The following BACH2 variants were observed in gnomAD, a reference collection of about 807,000 sequenced individuals.
BACH2 encodes the protein BACH transcriptional regulator 2, also known as transcription regulator protein BACH2.
Under a neutral mutation model 61.8 loss-of-function variants are expected in BACH2, and 5 were observed. The observed-to-expected ratio is 0.08, with a 90% CI of 0.04 to 0.17. The LOEUF is 0.17. Ranked by LOEUF, BACH2 falls within the 10% of genes least tolerant of loss-of-function variation. BACH2 has a pLI of 1.00. For synonymous variants in BACH2, 446 were observed against 440.1 expected (o/e 1.01, Z -0.17); for missense variants, 824 against 1,091.1 (o/e 0.76, Z 3.45).
intron 4 of BACH2, among the ~76,000 whole-genome samples, chr6:90,127,523 T>C (rs889526560): frequency 6.6e-6 from 1 of 152,202 alleles, no homozygotes; most frequent in Non-Finnish European, 1.5e-5. Context: ...AAATAATTCA[T>C]CTTCCTCTTC....
chr6:90,258,373 A>G (rs1273319063), intron 2 of BACH2, among the ~76,000 whole-genome samples: 1 of 152,102 alleles, frequency 6.6e-6, no homozygotes, highest in Non-Finnish European at 1.5e-5. Flanking sequence ...AGTTGACTAT[A>G]TATACGTGGA....
intron 2 of BACH2, among the ~76,000 whole-genome samples, chr6:90,257,065 T>C (rs1473011108): frequency 6.6e-6 from 1 of 152,252 alleles, no homozygotes; most frequent in African/African-American, 2.4e-5. Context: ...GGCTGAATAA[T>C]ATTCATTTTG....
chr6:89,964,990 T>G (rs1427755889), intron 6 of BACH2, among the ~76,000 whole-genome samples: 1 of 152,174 alleles, frequency 6.6e-6, no homozygotes. Flanking sequence ...GTTCAAGCGA[T>G]TCTCGTGCCT....
At chr6:90,217,332 G>A (rs755794240) in intron 3 of BACH2, among the ~76,000 whole-genome samples, 86 of 152,104 alleles carry the variant, frequency 5.7e-4, no homozygotes, top group Non-Finnish European at 1.1e-3. Context: ...AGAATATCTA[G>A]CTCTGGAAAA....
At chr6:89,986,105 C>T (rs1199268683) in intron 6 of BACH2, among the ~76,000 whole-genome samples, 3 of 152,202 alleles carry the variant, frequency 2.0e-5, no homozygotes, top group East Asian at 3.9e-4. Context: ...ATAGTGGCGG[C>T]GGCGAACTGA....
rs147145077 is a variant in BACH2, at chr6:90,293,196, C to A, written c.-446+3284G>T. ...CCCATGAAGCTAGTACTGGCTCTCA[C>A]CCCCTGGACACACAGGAAGATATTT... On this transcript the variant is annotated intron_variant, in intron 1 of 8. Transcript: ENST00000257749. 1.6e-4 allele frequency among the ~76,000 whole-genome samples: 25 copies of A among 152,298 alleles called. No individual in the cohort carries two copies. The East Asian group carries it at 4.8e-3, about 29-fold the overall frequency.
chr6:90,126,490 G>A (rs1322660356), intron 4 of BACH2, among the ~76,000 whole-genome samples: 1 of 151,804 alleles, frequency 6.6e-6, no homozygotes, highest in Non-Finnish European at 1.5e-5. Context: ...GAGGGGAGAA[G>A]GAACAAAGAC....
intron 2 of BACH2, among the ~76,000 whole-genome samples, chr6:90,263,152 CT>C (rs1235460637): frequency 1.3e-5 from 2 of 152,160 alleles, no homozygotes; most frequent in African/African-American, 4.8e-5. Context: ...CATCTCACCC[CT>C]GATCAGTGGG....
In BACH2 at chr6:90,271,944, G is replaced by C. The variant is rs978755906; in HGVS notation, c.-445-3C>G. ...TGGGAGCTATGTGAACGAACGCGCTGAAAGACAAAACACGTTAGATCAGTT... is the reference window on the plus strand; with the variant it reads ...TGGGAGCTATGTGAACGAACGCGCTCAAAGACAAAACACGTTAGATCAGTT... On this transcript the variant is annotated splice_region_variant and splice_polypyrimidine_tract_variant and intron_variant, in intron 1 of 8. Coordinates refer to ENST00000257749, the MANE Select transcript of BACH2 (RefSeq NM_021813.4). 3 of 152,318 alleles carry C rather than the reference G, an allele frequency of 2.0e-5. No individual in the cohort carries two copies. The highest frequency in any genetic ancestry group is 7.2e-5 in the African/African-American group (3 of 41,432). The allele number at this position is 152,318 out of a possible 1,614,324, so 9.4% of individuals were successfully genotyped here.
chr6:90,136,980 G>A (rs746728683), intron 4 of BACH2, among the ~76,000 whole-genome samples: 2 of 151,986 alleles, frequency 1.3e-5, no homozygotes, highest in African/African-American at 2.4e-5. Context: ...AACTTGTAGA[G>A]TCACTGGACC....
At chr6:90,046,760 C>T (rs1340275520) in intron 5 of BACH2, among the ~76,000 whole-genome samples, 1 of 151,166 alleles carries the variant, frequency 6.6e-6, no homozygotes, top group African/African-American at 2.4e-5. Context: ...TTCAAGTTTA[C>T]GAGCATTCAA....
At chr6:90,033,762 T>TA (rs1046400157) in intron 5 of BACH2, among the ~76,000 whole-genome samples, 3 of 151,424 alleles carry the variant, frequency 2.0e-5, no homozygotes, top group Non-Finnish European at 2.9e-5. Flanking sequence ...ATCACCTTCT[T>TA]AAAAAAAAAT....
At chr6:90,140,220 G>T (rs1016310710) in intron 4 of BACH2, among the ~76,000 whole-genome samples, 1 of 152,132 alleles carries the variant, frequency 6.6e-6, no homozygotes, top group Non-Finnish European at 1.5e-5. Context: ...TAACTTAGTC[G>T]CATGGCCAGT....
intron 6 of BACH2, among the ~76,000 whole-genome samples, chr6:89,977,641 A>T (rs1416724219): frequency 6.6e-6 from 1 of 152,254 alleles, no homozygotes; most frequent in African/African-American, 2.4e-5. Context: ...TATTTAATTT[A>T]AACCTTAGAT....
rs755709049 is a variant in BACH2, at chr6:89,951,165, G to A, written c.941C>T (p.Pro314Leu). The change falls in exon 7 of 9, where the codon CCC becomes CTC. Residue 314 changes from proline (P) to leucine (L), a missense_variant. Physicochemically the swap from Pro to Leu is moderately conservative, Grantham distance 98. Transcript: ENST00000257749. This position sits in a 1 kb window ranked among gnomAD's most constrained non-coding sequence, Gnocchi z 6.4. The stretch of plus-strand genomic sequence containing the variant: ...GGCCGTGGGGGTAGGGGCAGGGCTG[G>A]GCTGTTTCCGGTCCATCTCGACATC... ...AGDVEMDRKQ[P>L]SPAPTPTAPA... The A allele has an allele frequency of 6.2e-7, 1 of 1,613,594 alleles. No individual in the cohort carries two copies. Among genetic ancestry groups the A allele is most frequent in the Admixed American group, 1.7e-5 (1 of 60,006 alleles).
Position 90,008,968 on chromosome 6 carries a change from C to T in BACH2, c.-12-112G>A. The T allele has an allele frequency of 1.5e-6, 2 of 1,307,982 alleles. No individual in the cohort carries two copies. The highest frequency in any genetic ancestry group is 2.1e-6 in the Non-Finnish European group (2 of 964,914). 81.0% of individuals were successfully genotyped at this position (1,307,982 alleles called of 1,614,324 possible). ...CATCATGGTTCCTGTGTCCCACTGCCATGAGCATGGCAGGAAGGAGGGGAA... is the reference window on the plus strand; with the variant it reads ...CATCATGGTTCCTGTGTCCCACTGCTATGAGCATGGCAGGAAGGAGGGGAA... On this transcript the variant is annotated intron_variant, in intron 5 of 8. Transcript: ENST00000257749. This position sits in a 1 kb window ranked among gnomAD's most constrained non-coding sequence, Gnocchi z 4.1.
At chr6:90,112,068 C>T (rs1386367253) in intron 4 of BACH2, among the ~76,000 whole-genome samples, 2 of 152,212 alleles carry the variant, frequency 1.3e-5, no homozygotes, top group South Asian at 2.1e-4. Flanking sequence ...TCATAGATAA[C>T]ATTATCAGGC....
intron 4 of BACH2, among the ~76,000 whole-genome samples, chr6:90,143,368 C>T (rs1296588352): frequency 6.6e-6 from 1 of 152,136 alleles, no homozygotes; most frequent in Admixed American, 6.5e-5. Flanking sequence ...TTCAAATTCA[C>T]CTCTGCCCAT....
intron 6 of BACH2, among the ~76,000 whole-genome samples, chr6:90,001,944 C>T (rs1369698107): frequency 6.6e-6 from 1 of 152,248 alleles, no homozygotes; most frequent in Non-Finnish European, 1.5e-5. Context: ...ATCTACTTCT[C>T]TGTTCCCTTT....
Sources: gnomAD v4.1 joint callset for allele counts (sites outside exome capture counted in the v4.1 genomes callset) on GRCh38, gnomAD v4.1.1 for gene constraint, Gnocchi (gnomAD v3.1) non-coding constraint, MANE v1.5 for transcripts, NCBI Gene and HGNC (gene_info 2026-07-23, HGNC 2026-07-21) for gene names.